RGS5: variants seen among roughly 807,000 people sequenced by gnomAD.
The protein encoded by RGS5 is regulator of G protein signaling 5.
RGS5 carries 20 observed loss-of-function variants against 18.9 expected under a neutral mutation model. The ratio of observed to expected loss-of-function variants is 1.06; its 90% CI spans 0.74 to 1.54. The LOEUF (loss-of-function observed/expected upper bound fraction) is 1.54. RGS5 is among the 40% of genes most tolerant of loss of function. The probability of loss-of-function intolerance (pLI) is 0.00; values close to 1 mark genes in which losing one functional copy is unlikely to be tolerated. For synonymous variants in RGS5, 57 were observed against 76.2 expected, an observed-to-expected ratio of 0.75 and a Z score of 1.31; for missense variants, 201 against 211.8, an observed-to-expected ratio of 0.95 and a Z score of 0.32.
At chr1:163,314,010 T>C (rs1649946133) in intron 1 of RGS5, among the ~76,000 whole-genome samples, 2 of 37,664 alleles carry the variant, frequency 5.3e-5, no homozygotes, top group Non-Finnish European at 2.0e-4. Context: ...TGTGTGTGTG[T>C]GTGTGTGTGT....
intron 1 of RGS5, among the ~76,000 whole-genome samples, chr1:163,170,141 G>C (rs1202587771): frequency 6.6e-6 from 1 of 152,132 alleles, no homozygotes; most frequent in Non-Finnish European, 1.5e-5. Flanking sequence ...GACCCAAAAA[G>C]CTACCCTTTC....
At chr1:163,271,069 A>G (rs944556174) in intron 2 of RGS5, among the ~76,000 whole-genome samples, 1 of 152,114 alleles carries the variant, frequency 6.6e-6, no homozygotes, top group African/African-American at 2.4e-5. Context: ...GACATTTGTT[A>G]TTGCCTCCAA....
chr1:163,165,893 G>A (rs1444384343), intron 2 of RGS5, among the ~76,000 whole-genome samples: 3 of 131,474 alleles, frequency 2.3e-5, no homozygotes, highest in Non-Finnish European at 3.2e-5. Flanking sequence ...GCAAAAGAGC[G>A]AAATTCCGTC....
chr1:163,158,543 A>G (rs1258940976), intron 3 of RGS5, among the ~76,000 whole-genome samples: 6 of 152,164 alleles, frequency 3.9e-5, no homozygotes, highest in Non-Finnish European at 7.4e-5. Flanking sequence ...GGGAGACATC[A>G]CTTGTCAGCA....
chr1:163,285,028 C>T (rs575907123), intron 2 of RGS5, among the ~76,000 whole-genome samples: 1 of 152,070 alleles, frequency 6.6e-6, no homozygotes, highest in Non-Finnish European at 1.5e-5. Context: ...AAAGGGGAAA[C>T]CCCTTATAAA....
At chr1:163,206,535 A>G (rs140136575), upstream of RGS5, among the ~76,000 whole-genome samples, 855 of 152,238 alleles carry the variant, frequency 5.6e-3, 8 homozygotes, top group African/African-American at 0.019. Context: ...CTCAAAATTC[A>G]TGTGTTAAAA....
Position 163,258,334 on chromosome 1 carries a change from G to A in RGS5, c.-281+47899C>T, listed in dbSNP as rs189988793. Among the ~76,000 whole-genome samples the A allele has an allele frequency of 2.2e-3, 332 of 152,298 alleles. 1 individual carries two copies. Among genetic ancestry groups the A allele is most frequent in the African/African-American group, 7.8e-3 (326 of 41,560 alleles). ...TTTCAGAATTTACTTGTGGGTGGAT[G>A]GAATATGGATATAAATCTGGAGTAA... is the stretch of plus-strand genomic sequence containing the variant. On this transcript the variant is annotated intron_variant, in intron 2 of 5. Coordinates refer to the RGS5 transcript ENST00000618415.
intron 2 of RGS5, among the ~76,000 whole-genome samples, chr1:163,246,000 G>C (rs550136135): frequency 1.3e-5 from 2 of 152,102 alleles, no homozygotes; most frequent in East Asian, 3.9e-4. Flanking sequence ...CGGATCACGA[G>C]GTCAGGAGAT....
intron 2 of RGS5, among the ~76,000 whole-genome samples, chr1:163,291,359 G>A (rs1649283620): frequency 6.6e-6 from 1 of 152,110 alleles, no homozygotes; most frequent in South Asian, 2.1e-4. Context: ...TTTATGGCAA[G>A]CTAACTTTGG....
chr1:163,240,116 A>G (rs950017665), intron 2 of RGS5, among the ~76,000 whole-genome samples: 1 of 152,130 alleles, frequency 6.6e-6, no homozygotes, highest in Non-Finnish European at 1.5e-5. Flanking sequence ...CACTCTAAGT[A>G]TTTACCAAAA....
chr1:163,230,615 G>A (rs1209961897), intron 2 of RGS5, among the ~76,000 whole-genome samples: 4 of 152,152 alleles, frequency 2.6e-5, no homozygotes, highest in Non-Finnish European at 5.9e-5. Flanking sequence ...TTTAAAAGCA[G>A]TCTAAAGTTC....
At chr1:163,238,127 A>G (rs1003467543) in intron 2 of RGS5, 5 of 154,052 alleles carry the variant, frequency 3.2e-5, no homozygotes, top group African/African-American at 1.2e-4. Flanking sequence ...ATTTTAAGAT[A>G]TTTCAGGTTT....
chr1:163,218,260 C>G (rs148424746), upstream of RGS5, among the ~76,000 whole-genome samples: 36 of 152,238 alleles, frequency 2.4e-4, no homozygotes, highest in African/African-American at 7.9e-4. Context: ...TCATTAACCT[C>G]TAACTGAAAT....
intron 1 of RGS5, among the ~76,000 whole-genome samples, chr1:163,170,105 A>G (rs977587055): frequency 6.6e-6 from 1 of 152,192 alleles, no homozygotes; most frequent in East Asian, 1.9e-4. Flanking sequence ...ATATTAATCC[A>G]TAGGACAAGT....
chr1:163,152,187 C>T (rs373295975), intron 4 of RGS5, among the ~76,000 whole-genome samples: 2 of 152,046 alleles, frequency 1.3e-5, no homozygotes, highest in South Asian at 4.2e-4. Flanking sequence ...GTTTTTACAC[C>T]CACTATTTAA....
chr1:163,220,631 C>A (rs969946158), upstream of RGS5, among the ~76,000 whole-genome samples: 1 of 152,166 alleles, frequency 6.6e-6, no homozygotes, highest in African/African-American at 2.4e-5. Flanking sequence ...CTGAATAATG[C>A]CCCCCTCCCT....
intron 1 of RGS5, among the ~76,000 whole-genome samples, chr1:163,173,309 G>A (rs1305399547): frequency 1.3e-5 from 2 of 152,194 alleles, no homozygotes; most frequent in South Asian, 2.1e-4. Flanking sequence ...TTGAGTTAAA[G>A]TTTAATTAAA....
At position 163,147,401 on chromosome 1, in the gene RGS5, C is replaced by T; in HGVS notation, c.487G>A (p.Glu163Lys). 1.2e-6 allele frequency: 2 copies of T among 1,612,672 alleles called. No individual in the cohort carries two copies. Among genetic ancestry groups the T allele is most frequent in the South Asian group, 1.1e-5 (1 of 90,806 alleles). Reference sequence around the variant, plus strand: ...ACAAAGCGAGGCAGAGAATCCTTTTCCATCAGGGCATGGATTCTTTTCTGG... The same window carrying T: ...ACAAAGCGAGGCAGAGAATCCTTTTTCATCAGGGCATGGATTCTTTTCTGG... Reference protein sequence around the residue: ...MAQKRIHALMEKDSLPRFVRS... With the variant: ...MAQKRIHALMKKDSLPRFVRS... Residue 163 changes from glutamate (E) to lysine (K), a missense_variant, in exon 5 of 5, where the codon GAA becomes AAA. Transcript: ENST00000313961.
intron 2 of RGS5, among the ~76,000 whole-genome samples, chr1:163,240,954 G>A (rs1051339525): frequency 5.9e-5 from 9 of 152,098 alleles, no homozygotes; most frequent in Admixed American, 2.0e-4. Context: ...CCTCAAACCC[G>A]CCAACTACTC....
Sources: gnomAD v4.1 joint callset for allele counts (sites outside exome capture counted in the v4.1 genomes callset) on GRCh38, gnomAD v4.1.1 for gene constraint, MANE v1.5 for transcripts, NCBI Gene and HGNC (gene_info 2026-07-23, HGNC 2026-07-21) for gene names.